RALYL: variants seen among roughly 807,000 people sequenced by gnomAD.
RALYL encodes the protein RALY RNA binding protein like.
In RALYL, 29 loss-of-function variants were observed where a neutral mutation model predicts 35.1. That is an observed-to-expected ratio of 0.83 (90% CI 0.61 to 1.13). The LOEUF (loss-of-function observed/expected upper bound fraction) is 1.13, where lower values mean the gene tolerates loss of function less well. Ranked by LOEUF, RALYL falls within the 50% of genes most tolerant of loss-of-function variation. The pLI is 0.00. For synonymous variants in RALYL, 120 were observed against 127.6 expected, an observed-to-expected ratio of 0.94 and a Z score of 0.40; for missense variants, 359 against 360.4, an observed-to-expected ratio of 1.00 and a Z score of 0.03.
At chr8:84,762,860 C>A (rs976755219) in intron 2 of RALYL, among the ~76,000 whole-genome samples, 4 of 152,266 alleles carry the variant, frequency 2.6e-5, no homozygotes, top group South Asian at 2.1e-4. Flanking sequence ...TTATTCCATT[C>A]TGAGCTTTAG....
chr8:84,411,685 T>C (rs2044118390), intron 1 of RALYL, among the ~76,000 whole-genome samples: 1 of 151,978 alleles, frequency 6.6e-6, no homozygotes, highest in South Asian at 2.1e-4. Context: ...TTTCCCCTAG[T>C]GAATAGTGGG....
At chr8:84,855,912 G>A (rs1836867452) in intron 5 of RALYL, among the ~76,000 whole-genome samples, 1 of 152,172 alleles carries the variant, frequency 6.6e-6, no homozygotes, top group African/African-American at 2.4e-5. Flanking sequence ...TTCAATTCTG[G>A]AACCATTTTG....
chr8:84,558,643 T>C (rs997012782), intron 2 of RALYL, among the ~76,000 whole-genome samples: 3 of 152,050 alleles, frequency 2.0e-5, no homozygotes, highest in Admixed American at 1.3e-4. Context: ...ATTATGAGGG[T>C]TTTTTTCTGG....
chr8:84,505,627 C>A (rs534608795), intron 1 of RALYL, among the ~76,000 whole-genome samples: 1 of 151,710 alleles, frequency 6.6e-6, no homozygotes. Context: ...TTGCACGACA[C>A]TGAGGGTTAG....
intron 4 of RALYL, among the ~76,000 whole-genome samples, chr8:84,847,518 T>C (rs2134735030): frequency 6.6e-6 from 1 of 152,302 alleles, no homozygotes; most frequent in Non-Finnish European, 1.5e-5. Context: ...TGGCTGCATC[T>C]AGTTAGCCCT....
intron 4 of RALYL, among the ~76,000 whole-genome samples, chr8:84,823,492 G>C (rs113963504): frequency 1.6e-3 from 237 of 152,214 alleles, no homozygotes; most frequent in African/African-American, 5.5e-3. Flanking sequence ...TTTGGAGATA[G>C]GTAGTAGCAC....
At chr8:84,619,198 A>G (rs1347953621) in intron 2 of RALYL, among the ~76,000 whole-genome samples, 2 of 151,648 alleles carry the variant, frequency 1.3e-5, no homozygotes, top group Non-Finnish European at 1.5e-5. Context: ...GTGGGGTGTT[A>G]AAGTCTCCCA....
intron 3 of RALYL, among the ~76,000 whole-genome samples, chr8:84,799,205 G>T (rs1822616877): frequency 1.3e-5 from 2 of 151,990 alleles, no homozygotes; most frequent in Admixed American, 6.6e-5. Flanking sequence ...GTCTTAGGGG[G>T]AGCTTGGCAA....
chr8:84,266,686 A>G (rs961387180), intron 1 of RALYL, among the ~76,000 whole-genome samples: 2 of 152,138 alleles, frequency 1.3e-5, no homozygotes, highest in African/African-American at 4.8e-5. Flanking sequence ...CTTTAAATTG[A>G]TGTGAGAATC....
At chr8:84,675,641 C>T (rs1834045343) in intron 2 of RALYL, among the ~76,000 whole-genome samples, 1 of 152,024 alleles carries the variant, frequency 6.6e-6, no homozygotes, top group Admixed American at 6.6e-5. Context: ...TCTGAAAGGC[C>T]AACTTTGTTT....
At chr8:84,328,401 CATT>C (rs1345286845) in intron 1 of RALYL, among the ~76,000 whole-genome samples, 1 of 152,140 alleles carries the variant, frequency 6.6e-6, no homozygotes, top group Non-Finnish European at 1.5e-5. Flanking sequence ...ATCTGACAGA[CATT>C]GTACTTCACA....
At chr8:84,800,688 A>C (rs904726691) in intron 3 of RALYL, among the ~76,000 whole-genome samples, 1 of 152,236 alleles carries the variant, frequency 6.6e-6, no homozygotes, top group Non-Finnish European at 1.5e-5. Context: ...TTGTAAAAAA[A>C]TCTTAGAAAA....
At chr8:84,509,236 A>G (rs1034173334) in intron 1 of RALYL, among the ~76,000 whole-genome samples, 1 of 151,966 alleles carries the variant, frequency 6.6e-6, no homozygotes, top group African/African-American at 2.4e-5. Context: ...CTGGGTAGCA[A>G]TTTTTTTCCC....
At chr8:84,862,928 A>T in intron 6 of RALYL, among the ~76,000 whole-genome samples, 1 of 152,196 alleles carries the variant, frequency 6.6e-6, no homozygotes, top group East Asian at 1.9e-4. Context: ...TTATGATAAG[A>T]TATATGTATC....
chr8:84,628,538 C>T (rs943685950), intron 2 of RALYL, among the ~76,000 whole-genome samples: 1 of 152,016 alleles, frequency 6.6e-6, no homozygotes, highest in African/African-American at 2.4e-5. Flanking sequence ...TTAATATTCA[C>T]CAAAAGAGTA....
intron 4 of RALYL, among the ~76,000 whole-genome samples, chr8:84,842,399 C>T (rs1262388064): frequency 7.9e-5 from 12 of 151,984 alleles, no homozygotes; most frequent in African/African-American, 2.9e-4. Flanking sequence ...ACACATACAC[C>T]CTCCCAAGAC....
At position 84,450,146 on chromosome 8, in the gene RALYL, G is replaced by T. The variant is rs2049302291; in HGVS notation, c.-23-79153G>T. Among the ~76,000 whole-genome samples the T allele has an allele frequency of 2.0e-5, 3 of 151,826 alleles. No homozygotes were observed. In the South Asian group the frequency reaches 6.2e-4, roughly 32 times the overall value. On this transcript the variant is annotated intron_variant, in intron 1 of 8. Coordinates refer to ENST00000521268, the MANE Select transcript of RALYL (RefSeq NM_173848.7). The stretch of plus-strand genomic sequence containing the variant: ...TTGCTCCAGAAACTACTACTAAAAT[G>T]ATACAGCTTATGTTATTGGATCAGA...
At position 84,425,052 on chromosome 8, in the gene RALYL, C is replaced by G. The variant is rs530100134; in HGVS notation, c.-23-104247C>G. Among the ~76,000 whole-genome samples the G allele has an allele frequency of 7.5e-3, 1,146 of 152,308 alleles. 6 individuals are homozygous for G. The highest frequency in any genetic ancestry group is 0.024 in the Middle Eastern group (7 of 294). ...GGTGGAGCCTACAGAGGCAGGCAGA[C>G]CTCCTTGAGCTGTGGTGGGCTCCAC... is the stretch of plus-strand genomic sequence containing the variant. On this transcript the variant is annotated intron_variant, in intron 1 of 8. Transcript: ENST00000521268.
chr8:84,414,944 CT>C (rs2044487263), intron 1 of RALYL, among the ~76,000 whole-genome samples: 1 of 152,096 alleles, frequency 6.6e-6, no homozygotes, highest in Non-Finnish European at 1.5e-5. Context: ...GGTCAGACTT[CT>C]ACCACTGGCA....
Sources: allele counts gnomAD v4.1 joint callset (sites outside exome capture counted in the v4.1 genomes callset), GRCh38; gene constraint gnomAD v4.1.1; transcripts MANE v1.5; gene names NCBI Gene and HGNC (gene_info 2026-07-23, HGNC 2026-07-21).